Variants in DPRX observed in about 807,000 individuals in gnomAD.
The protein encoded by DPRX is divergent-paired related homeobox, also known as divergent paired-related homeobox.
DPRX carries 11 observed loss-of-function variants against 8.4 expected under a neutral mutation model. That is an observed-to-expected ratio of 1.31 (90% CI 0.82 to 2.17). DPRX has a LOEUF of 2.17. Among genes scored for constraint, DPRX ranks in the 30% most tolerant of loss-of-function variants. DPRX has a pLI of 0.00. For missense variants in DPRX, 211 were observed against 236.7 expected, an observed-to-expected ratio of 0.89 and a Z score of 0.71; for synonymous variants, 72 against 87.0, an observed-to-expected ratio of 0.83 and a Z score of 0.96.
the DPRX span, chr19:53,606,889 G>C: frequency 6.6e-6 from 1 of 152,666 alleles, no homozygotes; most frequent in Non-Finnish European, 1.5e-5. This position sits in a 1 kb window ranked among gnomAD's most constrained non-coding sequence, Gnocchi z 4.8. Flanking sequence ...CCTGTGCCCA[G>C]CGGCAGCCCA....
chr19:53,627,443 T>C (rs953426166), upstream of DPRX, among the ~76,000 whole-genome samples: 7 of 148,958 alleles, frequency 4.7e-5, no homozygotes, highest in South Asian at 2.1e-4. Flanking sequence ...TTCTTTCTTT[T>C]TTTTTTTTTT....
chr19:53,601,922 G>A, the DPRX span: 62 of 420,588 alleles, frequency 1.5e-4, 1 homozygote, highest in African/African-American at 5.7e-4. Context: ...CCCTGGTCCC[G>A]TAGAGTATTT....
the DPRX span, among the ~76,000 whole-genome samples, chr19:53,610,092 C>T: frequency 0.038 from 5,532 of 144,262 alleles, 198 homozygotes; most frequent in African/African-American, 0.087. Flanking sequence ...CAGAGGTTGC[C>T]GTGAGCCGAG....
At chr19:53,623,820 G>A in the DPRX span, among the ~76,000 whole-genome samples, 10 of 151,254 alleles carry the variant, frequency 6.6e-5, no homozygotes, top group East Asian at 1.8e-3. Context: ...CATGATGGCA[G>A]GCGCCTGTAA....
At chr19:53,606,834 C>T in the DPRX span, 1 of 152,570 alleles carries the variant, frequency 6.6e-6, no homozygotes, top group Non-Finnish European at 1.5e-5. This position sits in a 1 kb window ranked among gnomAD's most constrained non-coding sequence, Gnocchi z 4.8. Flanking sequence ...GTACAAAACC[C>T]TCTTCCCTCT....
upstream of DPRX, among the ~76,000 whole-genome samples, chr19:53,628,174 C>G (rs1333038518): frequency 6.6e-6 from 1 of 152,094 alleles, no homozygotes; most frequent in Non-Finnish European, 1.5e-5. Flanking sequence ...TGCAGTGGCC[C>G]ACGCCTATAA....
At chr19:53,616,564 A>G in the DPRX span, among the ~76,000 whole-genome samples, 3 of 152,134 alleles carry the variant, frequency 2.0e-5, no homozygotes, top group Non-Finnish European at 4.4e-5. Context: ...AGACCAGCCT[A>G]ACCAACATGG....
the DPRX span, chr19:53,608,160 G>T: frequency 4.8e-5 from 6 of 125,154 alleles, no homozygotes; most frequent in African/African-American, 2.0e-4. Context: ...GACAGAGTGA[G>T]ACTCCATCTC....
upstream of DPRX, among the ~76,000 whole-genome samples, chr19:53,630,287 A>G (rs1362663831): frequency 6.6e-6 from 1 of 150,628 alleles, no homozygotes; most frequent in Non-Finnish European, 1.5e-5. Context: ...CCTGAGCAAC[A>G]CAGACTGCCT....
At chr19:53,617,659 G>A in the DPRX span, among the ~76,000 whole-genome samples, 306 of 151,804 alleles carry the variant, frequency 2.0e-3, 1 homozygote, top group African/African-American at 6.3e-3. Context: ...AATATGAGAT[G>A]TAGAAAAGAA....
the DPRX span, among the ~76,000 whole-genome samples, chr19:53,609,466 C>CAAAAAAAA: frequency 1.8e-5 from 1 of 55,484 alleles, no homozygotes; most frequent in Non-Finnish European, 3.1e-5. Context: ...GACTCGGTCT[C>CAAAAAAAA]AAAAAAAAAA....
At chr19:53,620,813 C>T in the DPRX span, among the ~76,000 whole-genome samples, 4 of 152,160 alleles carry the variant, frequency 2.6e-5, no homozygotes, top group African/African-American at 9.7e-5. Flanking sequence ...AGGCTGGTCT[C>T]GAATTCCTGA....
chr19:53,621,634 A>G, the DPRX span, among the ~76,000 whole-genome samples: 1 of 152,004 alleles, frequency 6.6e-6, no homozygotes, highest in Non-Finnish European at 1.5e-5. Context: ...TAATACAAAA[A>G]ATTAGCTGGG....
the DPRX span, among the ~76,000 whole-genome samples, chr19:53,618,605 A>G: frequency 6.7e-5 from 9 of 133,576 alleles, no homozygotes; most frequent in Non-Finnish European, 1.3e-4. Flanking sequence ...ACATAGCAAG[A>G]CCCCATCTCT....
chr19:53,607,439 T>G, the DPRX span, among the ~76,000 whole-genome samples: 2 of 152,140 alleles, frequency 1.3e-5, no homozygotes, highest in Non-Finnish European at 2.9e-5. Context: ...ACACCTCTAG[T>G]CCTAGCTACT....
the DPRX span, among the ~76,000 whole-genome samples, chr19:53,613,631 A>C: frequency 2.0e-5 from 3 of 151,482 alleles, no homozygotes; most frequent in Non-Finnish European, 2.9e-5. Context: ...AAGTGCTGGG[A>C]CTACAGGCAT....
exon 3 of DPRX, chr19:53,636,703 C>T: frequency 6.2e-7 from 1 of 1,614,094 alleles, no homozygotes; most frequent in Non-Finnish European, 8.5e-7. Context: ...GGGTCTCCAC[C>T]AGTGTCGGCC....
At chr19:53,623,627 A>G in the DPRX span, among the ~76,000 whole-genome samples, 1 of 149,540 alleles carries the variant, frequency 6.7e-6, no homozygotes, top group Non-Finnish European at 1.5e-5. Flanking sequence ...AACGAGAGTG[A>G]AACTCCATCT....
At chr19:53,634,106 G>A (rs2091103216) in intron 1 of DPRX, among the ~76,000 whole-genome samples, 1 of 152,026 alleles carries the variant, frequency 6.6e-6, no homozygotes, top group South Asian at 2.1e-4. Flanking sequence ...CCTGAGGCAC[G>A]ACCCCGGCCA....
Sources: allele counts gnomAD v4.1 joint callset (sites outside exome capture counted in the v4.1 genomes callset), GRCh38; gene constraint gnomAD v4.1.1; non-coding constraint Gnocchi (gnomAD v3.1); transcripts MANE v1.5; gene names NCBI Gene and HGNC (gene_info 2026-07-23, HGNC 2026-07-21).